Variants in GPHN observed in about 807,000 individuals in gnomAD.
GPHN encodes the protein gephyrin.
Under a neutral mutation model 95.5 loss-of-function variants are expected in GPHN, and 17 were observed. The ratio of observed to expected loss-of-function variants is 0.18; its 90% CI spans 0.12 to 0.27. GPHN has a LOEUF of 0.27. Among genes scored for constraint, GPHN ranks in the 10% least tolerant of loss-of-function variants. The probability of loss-of-function intolerance (pLI) is 1.00; values close to 1 mark genes in which losing one functional copy is unlikely to be tolerated. For synonymous variants in GPHN, 320 were observed against 322.5 expected, an observed-to-expected ratio of 0.99 and a Z score of 0.08; for missense variants, 660 against 978.1, an observed-to-expected ratio of 0.67 and a Z score of 4.34.
chr14:67,341,403 GC>G, the GPHN span, among the ~76,000 whole-genome samples: 2 of 150,972 alleles, frequency 1.3e-5, no homozygotes, highest in Non-Finnish European at 3.0e-5. Flanking sequence ...CCCGGCAGCC[GC>G]CCCGTCTGGG....
At chr14:67,256,629 C>T in the GPHN span, among the ~76,000 whole-genome samples, 2 of 152,044 alleles carry the variant, frequency 1.3e-5, no homozygotes, top group Non-Finnish European at 2.9e-5. Flanking sequence ...CTCATTGCAA[C>T]CTTAGCCTCC....
At chr14:66,707,877 C>T (rs1009756222) in intron 2 of GPHN, among the ~76,000 whole-genome samples, 5 of 152,120 alleles carry the variant, frequency 3.3e-5, no homozygotes, top group African/African-American at 1.2e-4. Context: ...ATGGTCAAAT[C>T]AGGCAGTTAC....
At chr14:67,541,730 C>T in the GPHN span, 9 of 739,346 alleles carry the variant, frequency 1.2e-5, no homozygotes, top group African/African-American at 1.8e-5. Flanking sequence ...TTCTCTTCCC[C>T]AGCCCTGTTT....
chr14:66,599,392 A>ATTTCTTTTTTTTTTTT (rs1555357374), intron 1 of GPHN, among the ~76,000 whole-genome samples: 2 of 76,524 alleles, frequency 2.6e-5, no homozygotes, highest in African/African-American at 7.2e-5. Flanking sequence ...TTTTTTTTGC[A>ATTTCTTTTTTTTTTTT]TTTTTTTTTT....
chr14:67,546,955 C>G, the GPHN span, among the ~76,000 whole-genome samples: 6 of 151,896 alleles, frequency 4.0e-5, no homozygotes, highest in African/African-American at 1.5e-4. Flanking sequence ...TACCCTATTC[C>G]TCAGGGGCCA....
chr14:67,389,353 G>A, the GPHN span, among the ~76,000 whole-genome samples: 2 of 152,152 alleles, frequency 1.3e-5, no homozygotes, highest in Non-Finnish European at 2.9e-5. Context: ...TCCTGGATAG[G>A]AGAGTAGGTC....
At chr14:67,221,544 C>T in the GPHN span, among the ~76,000 whole-genome samples, 2 of 152,202 alleles carry the variant, frequency 1.3e-5, no homozygotes, top group East Asian at 1.9e-4. Context: ...CATATTATTA[C>T]GTACAATAAA....
At chr14:67,307,265 G>A in the GPHN span, among the ~76,000 whole-genome samples, 6 of 152,020 alleles carry the variant, frequency 3.9e-5, no homozygotes, top group African/African-American at 1.4e-4. Context: ...GGAAGGATTG[G>A]ATTTCCCAGA....
At chr14:67,078,016 C>T (rs977026255) in intron 11 of GPHN, among the ~76,000 whole-genome samples, 1 of 152,144 alleles carries the variant, frequency 6.6e-6, no homozygotes, top group African/African-American at 2.4e-5. Flanking sequence ...TCTTCATCTT[C>T]ATCAAATTGA....
At chr14:67,314,929 G>A in the GPHN span, among the ~76,000 whole-genome samples, 1 of 151,982 alleles carries the variant, frequency 6.6e-6, no homozygotes, top group Non-Finnish European at 1.5e-5. Flanking sequence ...CTGACATAAT[G>A]AGACTTTGTC....
At chr14:66,648,030 A>G (rs186389524) in intron 1 of GPHN, among the ~76,000 whole-genome samples, 30 of 152,250 alleles carry the variant, frequency 2.0e-4, no homozygotes, top group Non-Finnish European at 4.0e-4. Context: ...AAATCAGTTG[A>G]TTTTTGACTC....
At chr14:66,565,708 C>T (rs1251650479) in intron 1 of GPHN, among the ~76,000 whole-genome samples, 1 of 152,104 alleles carries the variant, frequency 6.6e-6, no homozygotes, top group South Asian at 2.1e-4. Context: ...CTGTCCTAAT[C>T]ACAGTTATTA....
At chr14:67,156,125 C>T (rs1443083417) in intron 18 of GPHN, among the ~76,000 whole-genome samples, 2 of 152,054 alleles carry the variant, frequency 1.3e-5, no homozygotes, top group Non-Finnish European at 2.9e-5. Context: ...CATGGAAATG[C>T]AGAAAGGACT....
At chr14:66,685,331 C>T (rs370055530) in intron 2 of GPHN, among the ~76,000 whole-genome samples, 2 of 152,218 alleles carry the variant, frequency 1.3e-5, no homozygotes, top group Non-Finnish European at 1.5e-5. Context: ...GCCACACTGT[C>T]TTCCACAACA....
intron 1 of GPHN, among the ~76,000 whole-genome samples, chr14:66,546,901 T>A (rs1028359164): frequency 6.6e-6 from 1 of 152,228 alleles, no homozygotes; most frequent in African/African-American, 2.4e-5. Context: ...TTAAATGTGA[T>A]AATGTACTTG....
At chr14:67,338,623 A>G in the GPHN span, 1 of 1,613,606 alleles carries the variant, frequency 6.2e-7, no homozygotes, top group Non-Finnish European at 8.5e-7. Context: ...AGGAAAGATT[A>G]TTCAAATAGA....
intron 1 of GPHN, among the ~76,000 whole-genome samples, chr14:66,627,782 AT>A (rs1025904842): frequency 6.6e-6 from 1 of 152,058 alleles, no homozygotes; most frequent in African/African-American, 2.4e-5. Flanking sequence ...GTATTAGGAT[AT>A]TTTTAAAATG....
the GPHN span, among the ~76,000 whole-genome samples, chr14:67,635,848 T>C: frequency 1.3e-5 from 2 of 152,138 alleles, no homozygotes; most frequent in Non-Finnish European, 2.9e-5. Flanking sequence ...CAAAACTTCA[T>C]CTAAAAAAAA....
At chr14:67,651,493 A>C in the GPHN span, 2 of 1,613,168 alleles carry the variant, frequency 1.2e-6, no homozygotes, top group Non-Finnish European at 1.7e-6. Context: ...TACAAAGAGA[A>C]GCAAAGTGGG....
Sources: gnomAD v4.1 joint callset for allele counts (sites outside exome capture counted in the v4.1 genomes callset) on GRCh38, gnomAD v4.1.1 for gene constraint, MANE v1.5 for transcripts, NCBI Gene and HGNC (gene_info 2026-07-23, HGNC 2026-07-21) for gene names.